The following PTPRJ variants were observed in gnomAD, a reference collection of about 807,000 sequenced individuals.
PTPRJ encodes the protein receptor-type tyrosine-protein phosphatase eta.
A neutral mutation model predicts 141.3 loss-of-function variants in PTPRJ; 129 were observed. The observed-to-expected ratio is 0.91, with a 90% confidence interval of 0.79 to 1.06. The LOEUF (loss-of-function observed/expected upper bound fraction) is 1.06, where lower values mean the gene tolerates loss of function less well. Among genes scored for constraint, PTPRJ ranks in the 50% least tolerant of loss-of-function variants. The pLI, the probability that PTPRJ is intolerant of heterozygous loss-of-function variation, is 0.00. For synonymous variants in PTPRJ, 610 were observed against 640.5 expected, an observed-to-expected ratio of 0.95 and a Z score of 0.72; for missense variants, 1,601 against 1,679.7, an observed-to-expected ratio of 0.95 and a Z score of 0.82.
chr11:48,083,902 T>A (rs1259508996), intron 1 of PTPRJ, among the ~76,000 whole-genome samples: 1 of 152,232 alleles, frequency 6.6e-6, no homozygotes, highest in African/African-American at 2.4e-5. Flanking sequence ...AGTATTTTTA[T>A]AATAATAGTA....
At chr11:48,017,575 C>T (rs1189698967) in intron 1 of PTPRJ, among the ~76,000 whole-genome samples, 2 of 152,186 alleles carry the variant, frequency 1.3e-5, no homozygotes, top group Non-Finnish European at 2.9e-5. Context: ...GTAGCACTGG[C>T]TTATGTCCCA....
At chr11:48,089,543 C>CCA (rs1220792523) in intron 1 of PTPRJ, among the ~76,000 whole-genome samples, 10 of 150,908 alleles carry the variant, frequency 6.6e-5, no homozygotes, top group Admixed American at 5.3e-4. Flanking sequence ...CAAAAAAAAC[C>CCA]CACACACAAC....
chr11:48,141,690 C>T (rs530538899), intron 11 of PTPRJ, among the ~76,000 whole-genome samples: 2 of 152,218 alleles, frequency 1.3e-5, no homozygotes, highest in African/African-American at 4.8e-5. Flanking sequence ...CTTCTTCCAC[C>T]CCAGATCTCA....
At chr11:48,090,135 G>A (rs986395825) in intron 1 of PTPRJ, among the ~76,000 whole-genome samples, 1 of 152,068 alleles carries the variant, frequency 6.6e-6, no homozygotes, top group African/African-American at 2.4e-5. Context: ...CCAGTCTGCT[G>A]TGATTCAGTG....
chr11:48,112,962 C>A lies in PTPRJ; in HGVS notation c.331C>A (p.Gln111Lys), dbSNP rs760491005. ...QGSNGTDGASQKTPSSTGPSP... is the reference protein window; with the variant it reads ...QGSNGTDGASKKTPSSTGPSP... ...ATCTAATGGGACTGATGGGGCATCT[C>A]AAAAAACTCCCAGTAGCACTGGTAA... is the stretch of plus-strand genomic sequence containing the variant. The change falls in exon 3 of 25, where the codon CAA becomes AAA. Residue 111 changes from glutamine to lysine, a missense_variant. Gln to Lys is a moderately conservative substitution (Grantham distance 53). Coordinates refer to ENST00000418331, the MANE Select transcript of PTPRJ (RefSeq NM_002843.4). The A allele has an allele frequency of 6.2e-7, 1 of 1,613,766 alleles. No homozygotes were observed.
intron 3 of PTPRJ, among the ~76,000 whole-genome samples, chr11:48,120,518 C>T (rs1233927326): frequency 3.9e-5 from 6 of 152,138 alleles, no homozygotes; most frequent in Middle Eastern, 3.4e-3. Context: ...CTCCACCTCC[C>T]GGGTTCAAGT....
chr11:48,053,337 T>A (rs1375885807), intron 1 of PTPRJ, among the ~76,000 whole-genome samples: 10 of 92,648 alleles, frequency 1.1e-4, no homozygotes, highest in South Asian at 7.5e-4. Context: ...TATTAATATA[T>A]TATATATTAT....
At chr11:48,014,925 C>T (rs897517408) in intron 1 of PTPRJ, among the ~76,000 whole-genome samples, 1 of 152,050 alleles carries the variant, frequency 6.6e-6, no homozygotes, top group African/African-American at 2.4e-5. Flanking sequence ...AGGCTGGTCT[C>T]GAGCTCCTGA....
At position 48,024,418 on chromosome 11, in the gene PTPRJ, G is replaced by A. The variant is rs12292318; in HGVS notation, c.96+43410G>A. ...TCACCATATTGGTCGGGCTGGTCTCGAACTCCTGACCTCAAGTGATCCACC... is the reference window on the plus strand; with the variant it reads ...TCACCATATTGGTCGGGCTGGTCTCAAACTCCTGACCTCAAGTGATCCACC... On this transcript the variant is annotated intron_variant, in intron 1 of 24. Transcript: ENST00000418331. 7.0e-3 allele frequency among the ~76,000 whole-genome samples: 1,068 copies of A among 152,200 alleles called. 17 individuals carry two copies. The highest frequency in any genetic ancestry group is 0.024 in the African/African-American group (991 of 41,540).
chr11:48,106,452 G>A (rs1856289720), intron 1 of PTPRJ, among the ~76,000 whole-genome samples: 1 of 152,218 alleles, frequency 6.6e-6, no homozygotes, highest in African/African-American at 2.4e-5. Flanking sequence ...AATATGCACA[G>A]TACAGAAGCG....
At chr11:48,109,693 C>T (rs1293367282) in intron 1 of PTPRJ, among the ~76,000 whole-genome samples, 2 of 138,588 alleles carry the variant, frequency 1.4e-5, no homozygotes, top group Non-Finnish European at 3.1e-5. Flanking sequence ...AATCTGGTCT[C>T]TGCTTCTGTG....
intron 1 of PTPRJ, among the ~76,000 whole-genome samples, chr11:48,059,922 T>C (rs569309056): frequency 6.6e-6 from 1 of 152,280 alleles, no homozygotes; most frequent in Non-Finnish European, 1.5e-5. Flanking sequence ...AAACCCGAAT[T>C]GCATTAAGGA....
chr11:48,136,116 G>T lies in PTPRJ; in HGVS notation c.1693G>T (p.Gly565Cys). 6.2e-7 allele frequency: 1 copy of T among 1,614,156 alleles called. No individual in the cohort carries two copies. Among genetic ancestry groups the T allele is most frequent in the Non-Finnish European group, 8.5e-7 (1 of 1,180,030 alleles). Reference protein sequence around the residue: ...EMWLDWKSPDGASEYVYHLVI... With the variant: ...EMWLDWKSPDCASEYVYHLVI... ...GTGGCTGGACTGGAAGAGCCCTGAC[G>T]GTGCTTCCGAGTATGTCTACCATTT... The change falls in exon 9 of 25, where the codon GGT becomes TGT. Residue 565 changes from glycine to cysteine, a missense_variant. Coordinates refer to ENST00000418331, the MANE Select transcript of PTPRJ (RefSeq NM_002843.4).
chr11:48,131,180 T>G (rs777891902), intron 8 of PTPRJ, among the ~76,000 whole-genome samples: 5 of 146,592 alleles, frequency 3.4e-5, no homozygotes, highest in African/African-American at 5.0e-5. Flanking sequence ...TGGGTTCAAG[T>G]GAAGCGATTC....
intron 3 of PTPRJ, among the ~76,000 whole-genome samples, chr11:48,115,682 A>G (rs1454516001): frequency 2.0e-5 from 3 of 152,254 alleles, no homozygotes; most frequent in Admixed American, 2.0e-4. Context: ...ACATATCTTT[A>G]ATATGAAAGT....
Position 48,035,538 on chromosome 11 carries a change from C to CTTTTTTTTTTT in PTPRJ, c.96+54547_96+54557dup, listed in dbSNP as rs66504227. ...TTTCTTTTCTTTTTTCTTTCTTCTT[C>CTTTTTTTTTTT]TTTTTTTTTTTTTTTTTTTTTTTTT... On this transcript the variant is annotated intron_variant, in intron 1 of 24. Coordinates refer to ENST00000418331, the MANE Select transcript of PTPRJ (RefSeq NM_002843.4). Among the ~76,000 whole-genome samples the CTTTTTTTTTTT allele has an allele frequency of 7.0e-3, 435 of 61,760 alleles. 3 individuals carry two copies. Among genetic ancestry groups the CTTTTTTTTTTT allele is most frequent in the Middle Eastern group, 0.019 (1 of 52 alleles). The allele number at this position is 61,760 out of a possible 152,430, so 40.5% of individuals were successfully genotyped here.
chr11:48,138,479 G>A (rs1020655457), intron 10 of PTPRJ, among the ~76,000 whole-genome samples: 3 of 152,174 alleles, frequency 2.0e-5, no homozygotes, highest in Non-Finnish European at 4.4e-5. Flanking sequence ...TGCCTTGGTA[G>A]AGCTTCTCCT....
chr11:48,141,612 A>G (rs1857230158), intron 11 of PTPRJ, among the ~76,000 whole-genome samples: 1 of 152,086 alleles, frequency 6.6e-6, no homozygotes, highest in African/African-American at 2.4e-5. Context: ...AGCCAAGTCC[A>G]TGTGGTGTCA....
chr11:48,044,029 G>A (rs954585993), intron 1 of PTPRJ, among the ~76,000 whole-genome samples: 2 of 152,200 alleles, frequency 1.3e-5, no homozygotes, highest in African/African-American at 2.4e-5. Context: ...ACTCTAGGAT[G>A]TTCCAAAACT....
Sources: gnomAD v4.1 joint callset for allele counts (sites outside exome capture counted in the v4.1 genomes callset) on GRCh38, gnomAD v4.1.1 for gene constraint, MANE v1.5 for transcripts, NCBI Gene and HGNC (gene_info 2026-07-23, HGNC 2026-07-21) for gene names.